The following CYP7A1 variants were observed in gnomAD, a reference collection of about 807,000 sequenced individuals.
The protein encoded by CYP7A1 is cytochrome P450 7A1.
In CYP7A1, 28 loss-of-function variants were observed where a neutral mutation model predicts 43.8. That is an observed-to-expected ratio of 0.64 (90% CI 0.47 to 0.88). CYP7A1 has a LOEUF of 0.88. Among genes scored for constraint, CYP7A1 ranks in the 40% least tolerant of loss-of-function variants. CYP7A1 has a pLI of 0.00. For synonymous variants in CYP7A1, 227 were observed against 222.5 expected (o/e 1.02, Z -0.18); for missense variants, 637 against 611.9 (o/e 1.04, Z -0.43).
chr8:58,492,366 TA>T lies in CYP7A1; in HGVS notation c.1201del (p.Tyr401ThrfsTer5). ...GCAGGCACTTACCAAAGGGTCTGGG[TA>T]GATTTCTGGATCTAAGTGCATTAAC... ...PQLMHLDPEI[Y>X]PDPLTFKYDR... On this transcript the variant is annotated frameshift_variant, in exon 5 of 6. Coordinates refer to ENST00000301645, the MANE Select transcript of CYP7A1 (RefSeq NM_000780.4). LOFTEE classifies it high-confidence loss of function. 1 of 1,613,932 alleles carries T rather than the reference TA, an allele frequency of 6.2e-7. No individual in the cohort carries two copies. Among genetic ancestry groups the T allele is most frequent in the Non-Finnish European group, 8.5e-7 (1 of 1,179,828 alleles).
Position 58,498,463 on chromosome 8 carries a change from C to T in CYP7A1, c.87G>A (p.Thr29=), listed in dbSNP as rs750668958. ...WLILGIRRRQ[T]GEPPLENGLI... is the part of the protein sequence containing the mutation. ...ATCCATTCTCTAGAGGTGGTTCACCCGTTTGCCTGTCAGACACAAGTGTAT... is the reference window on the plus strand; with the variant it reads ...ATCCATTCTCTAGAGGTGGTTCACCTGTTTGCCTGTCAGACACAAGTGTAT... Residue 29 remains threonine (T), a synonymous_variant, in exon 2 of 6, where the codon ACG becomes ACA. Coordinates refer to ENST00000301645, the MANE Select transcript of CYP7A1 (RefSeq NM_000780.4). The T allele has an allele frequency of 1.2e-5, 19 of 1,613,968 alleles. No individual in the cohort carries two copies. Among genetic ancestry groups the T allele is most frequent in the East Asian group, 6.7e-5 (3 of 44,870 alleles).
intron 5 of CYP7A1, 44 bp downstream of exon 5, chr8:58,492,309 G>A (rs1421592836): frequency 7.0e-7 from 1 of 1,428,612 alleles, no homozygotes; most frequent in South Asian, 1.1e-5. Flanking sequence ...TTAGATCTAG[G>A]TAGCTATCAC....
In CYP7A1 at chr8:58,491,628, G is replaced by A; in HGVS notation, c.1362C>T (p.Ile454=). 6.2e-7 allele frequency: 1 copy of A among 1,614,170 alleles called. No individual in the cohort carries two copies. The highest frequency in any genetic ancestry group is 8.5e-7 in the Non-Finnish European group (1 of 1,180,022). The change falls in exon 6 of 6, where the codon ATC becomes ATT. Residue 454 remains isoleucine (I), a synonymous_variant. Coordinates refer to ENST00000301645, the MANE Select transcript of CYP7A1 (RefSeq NM_000780.4). ...AAAGCATCAGAATCAAAAATTGCTT[G>A]ATTTCGTGGATAGCGAACAATCTTC... The part of the protein sequence containing the change: ...CPGRLFAIHE[I]KQFLILMLSY...
intron 4 of CYP7A1, among the ~76,000 whole-genome samples, chr8:58,493,105 A>G (rs1809378717): frequency 6.6e-6 from 1 of 152,206 alleles, no homozygotes; most frequent in Non-Finnish European, 1.5e-5. Context: ...TGAGTTAATA[A>G]TAATCTTTTG....
chr8:58,499,994 A>G, intron 1 of CYP7A1, 25 bp downstream of exon 1: 3 of 1,582,984 alleles, frequency 1.9e-6, no homozygotes, highest in Non-Finnish European at 2.6e-6. Flanking sequence ...ATCAAAGAGC[A>G]ATTTAAAGAT....
At chr8:58,494,351 C>G (rs556481820) in intron 4 of CYP7A1, among the ~76,000 whole-genome samples, 155 bp downstream of exon 4, 1 of 152,028 alleles carries the variant, frequency 6.6e-6, no homozygotes, top group African/African-American at 2.4e-5. Flanking sequence ...GTAACAGTCC[C>G]AAGTCACAGG....
chr8:58,494,559 T>A lies in CYP7A1; in HGVS notation c.986A>T (p.Glu329Val). ...LENAGQKVSLEGNPICLSQAE... is the reference protein window; with the variant it reads ...LENAGQKVSLVGNPICLSQAE... ...TTGACTCAAACAAATAGGATTGCCT[T>A]CCAAGCTGACTTTTTGACCAGCATT... Residue 329 changes from glutamate to valine, a missense_variant, in exon 4 of 6, where the codon GAA (glutamate) becomes GTA (valine). Coordinates refer to ENST00000301645, the MANE Select transcript of CYP7A1 (RefSeq NM_000780.4). 6.2e-7 allele frequency: 1 copy of A among 1,614,130 alleles called. No homozygotes were observed. The highest frequency in any genetic ancestry group is 8.5e-7 in the Non-Finnish European group (1 of 1,179,992).
chr8:58,499,075 T>C (rs914670042), intron 1 of CYP7A1, among the ~76,000 whole-genome samples: 2 of 152,224 alleles, frequency 1.3e-5, no homozygotes, highest in Non-Finnish European at 2.9e-5. Flanking sequence ...TCATCTATTG[T>C]AATTCAGTGC....
rs778848469 is a variant in CYP7A1 at position 58,491,766 on chromosome 8, T to C, written c.1224A>G (p.Lys408=). The change falls in exon 6 of 6, where the codon AAA becomes AAG. Residue 408 remains lysine (K), a synonymous_variant. Transcript: ENST00000301645. ...PEIYPDPLTF[K]YDRYLDENGK... Reference sequence around the variant, plus strand: ...CGTTTTCATCAAGATACCTATCATATTTAAAAGTCTGCAATAAAAATACAA... The same window carrying C: ...CGTTTTCATCAAGATACCTATCATACTTAAAAGTCTGCAATAAAAATACAA... The C allele has an allele frequency of 3.7e-6, 6 of 1,613,176 alleles. No homozygotes were observed. In the Admixed American group the frequency reaches 8.3e-5, roughly 22 times the overall value.
chr8:58,497,653 A>T (rs964677980), intron 2 of CYP7A1, among the ~76,000 whole-genome samples: 2 of 152,182 alleles, frequency 1.3e-5, no homozygotes, highest in African/African-American at 4.8e-5. Flanking sequence ...AATAGCAGGG[A>T]CTACAGGTGT....
In CYP7A1 at chr8:58,491,752, A is replaced by G; in HGVS notation, c.1238T>C (p.Leu413Pro). Residue 413 changes from leucine (L) to proline (P), a missense_variant, in exon 6 of 6, where the codon CTT (leucine) becomes CCT (proline). By Grantham distance (98) the Leu-to-Pro change is moderately conservative. Transcript: ENST00000301645. ...AGTCTTTGTCTTCCCGTTTTCATCA[A>G]GATACCTATCATATTTAAAAGTCTG... ...DPLTFKYDRY[L>P]DENGKTKTTF... 6.2e-7 allele frequency: 1 copy of G among 1,613,492 alleles called. No individual in the cohort carries two copies. Among genetic ancestry groups the G allele is most frequent in the South Asian group, 1.1e-5 (1 of 91,050 alleles).
intron 3 of CYP7A1, among the ~76,000 whole-genome samples, chr8:58,494,852 G>A (rs1809413763): frequency 6.6e-6 from 1 of 152,044 alleles, no homozygotes; most frequent in Admixed American, 6.6e-5. Context: ...AAATGACCTT[G>A]CGGCCGGCCG....
intron 1 of CYP7A1, among the ~76,000 whole-genome samples, chr8:58,499,460 A>G (rs1319967871): frequency 2.0e-5 from 3 of 152,228 alleles, no homozygotes; most frequent in Non-Finnish European, 4.4e-5. Flanking sequence ...AATCGATGTC[A>G]CATACACTCA....
intron 2 of CYP7A1, among the ~76,000 whole-genome samples, chr8:58,497,639 C>T (rs553807645): frequency 6.6e-6 from 1 of 152,320 alleles, no homozygotes; most frequent in African/African-American, 2.4e-5. Context: ...GCCTCAGCCT[C>T]TCAAATAGCA....
chr8:58,498,814 A>T (rs1355649861), intron 1 of CYP7A1, among the ~76,000 whole-genome samples: 1 of 152,196 alleles, frequency 6.6e-6, no homozygotes, highest in Non-Finnish European at 1.5e-5. Flanking sequence ...CGGAAACAAA[A>T]CTACATTCTA....
chr8:58,496,271 C>T (rs1021039010), intron 3 of CYP7A1, among the ~76,000 whole-genome samples: 1 of 152,148 alleles, frequency 6.6e-6, no homozygotes, highest in Non-Finnish European at 1.5e-5. Context: ...GAGTTGGCGT[C>T]GTGAAGAACA....
In CYP7A1 at chr8:58,492,404, A is replaced by G. The variant is rs375300707; in HGVS notation, c.1164T>C (p.Ala388=). ...CTAAGTGCATTAACTGTGGGTAAAGAGCTATGATGTCATCTTTTCGGATGT... is the reference window on the plus strand; with the variant it reads ...CTAAGTGCATTAACTGTGGGTAAAGGGCTATGATGTCATCTTTTCGGATGT... ...SYNIRKDDII[A]LYPQLMHLDP... The change falls in exon 5 of 6, where the codon GCT becomes GCC. Residue 388 remains alanine (A), a synonymous_variant. Transcript: ENST00000301645. The G allele has an allele frequency of 8.1e-6, 13 of 1,614,006 alleles. No individual in the cohort carries two copies. In the African/African-American group the frequency reaches 1.7e-4, roughly 22 times the overall value.
chr8:58,495,720 C>T (rs1418652431), intron 3 of CYP7A1, among the ~76,000 whole-genome samples: 1 of 152,114 alleles, frequency 6.6e-6, no homozygotes, highest in Non-Finnish European at 1.5e-5. Context: ...TGAATTTATT[C>T]TGGATGTGCT....
In CYP7A1 at chr8:58,496,846, G is replaced by C. The variant is rs1041432159; in HGVS notation, c.666C>G (p.Gly222=). The change falls in exon 3 of 6, where the codon GGC becomes GGG. Residue 222 remains glycine (G), a synonymous_variant. Transcript: ENST00000301645. ...FDKVFPALVA[G]LPIHMFRTAH... ...CAGTCCTGAACATGTGAATGGGGAGGCCTGCTACCAGGGCTGGAAAGACTT... is the reference window on the plus strand; with the variant it reads ...CAGTCCTGAACATGTGAATGGGGAGCCCTGCTACCAGGGCTGGAAAGACTT... 2 of 1,614,088 alleles carry C rather than the reference G, an allele frequency of 1.2e-6. No individual in the cohort carries two copies. The highest frequency in any genetic ancestry group is 1.7e-6 in the Non-Finnish European group (2 of 1,180,040).
Sources: allele counts gnomAD v4.1 joint callset (sites outside exome capture counted in the v4.1 genomes callset), GRCh38; gene constraint gnomAD v4.1.1; transcripts MANE v1.5; gene names NCBI Gene and HGNC (gene_info 2026-07-23, HGNC 2026-07-21).